The following SLC12A1 variants were observed in gnomAD, a reference collection of about 807,000 sequenced individuals.
The protein encoded by SLC12A1 is Na-K-2Cl cotransporter.
Under a neutral mutation model 130.4 loss-of-function variants are expected in SLC12A1, and 89 were observed. The ratio of observed to expected loss-of-function variants is 0.68; its 90% CI spans 0.58 to 0.81. The LOEUF (loss-of-function observed/expected upper bound fraction) is 0.81. SLC12A1 is among the 40% of genes least tolerant of loss of function. The probability of loss-of-function intolerance (pLI) is 0.00; values close to 1 mark genes in which losing one functional copy is unlikely to be tolerated. For missense variants in SLC12A1, 1,310 were observed against 1,336.4 expected (o/e 0.98, Z 0.31); for synonymous variants, 499 against 460.0 (o/e 1.08, Z -1.09).
At position 48,251,787 on chromosome 15, in the gene SLC12A1, C is replaced by T; in HGVS notation, c.1942+17C>T. The T allele has an allele frequency of 6.2e-7, 1 of 1,610,410 alleles. No homozygotes were observed. The highest frequency in any genetic ancestry group is 8.5e-7 in the Non-Finnish European group (1 of 1,177,298). On this transcript the variant is annotated intron_variant, in intron 15 of 26. Transcript: ENST00000380993. ...AGAAGCCAGGTAAGATAATGACTGTCTGGAATAGCGTTTCCAAATCTCTCT... is the reference window on the plus strand; with the variant it reads ...AGAAGCCAGGTAAGATAATGACTGTTTGGAATAGCGTTTCCAAATCTCTCT...
At position 48,288,083 on chromosome 15, in the gene SLC12A1, G is replaced by T. The variant is rs1449748212; in HGVS notation, c.2670G>T (p.Glu890Asp). ...INTSQSMHVG[E>D]FNQKLVEAST... ...CAAGCCAGTCGATGCATGTGGGAGA[G>T]TTCAACCAGAAACTGGTGGAAGCCA... The change falls in exon 22 of 27, where the codon GAG (glutamate) becomes GAT (aspartate). Residue 890 changes from glutamate (E) to aspartate (D), a missense_variant. Physicochemically the swap from Glu to Asp is conservative, Grantham distance 45. Transcript: ENST00000380993. The T allele has an allele frequency of 6.2e-6, 10 of 1,610,858 alleles. No homozygotes were observed. Among genetic ancestry groups the T allele is most frequent in the South Asian group, 1.1e-5 (1 of 90,322 alleles).
At chr15:48,243,178 T>C (rs1270173403) in intron 10 of SLC12A1, among the ~76,000 whole-genome samples, 1 of 152,106 alleles carries the variant, frequency 6.6e-6, no homozygotes, top group African/African-American at 2.4e-5. Context: ...TTAAAATACA[T>C]GATTCAAAGA....
At chr15:48,291,677 T>A (rs2042122814) in intron 23 of SLC12A1, 101 bp from the exon 24 acceptor site, 2 of 740,516 alleles carry the variant, frequency 2.7e-6, no homozygotes, top group East Asian at 5.5e-5. Context: ...TAAGCTGAAA[T>A]AAGACGTGAT....
intron 16 of SLC12A1, among the ~76,000 whole-genome samples, chr15:48,258,403 A>G (rs1454045791): frequency 6.8e-6 from 1 of 147,470 alleles, no homozygotes; most frequent in Non-Finnish European, 1.5e-5. Flanking sequence ...CCTTTACTCC[A>G]GTTCCCAAGG....
chr15:48,261,120 T>C (rs1218031194), intron 17 of SLC12A1, among the ~76,000 whole-genome samples: 1 of 152,134 alleles, frequency 6.6e-6, no homozygotes, highest in Non-Finnish European at 1.5e-5. Flanking sequence ...TTGGCCAATA[T>C]AATATAGGAG....
At chr15:48,208,221 GA>G (rs1337449977) in intron 2 of SLC12A1, 82 bp downstream of exon 2, 2 of 1,364,290 alleles carry the variant, frequency 1.5e-6, no homozygotes, top group Non-Finnish European at 2.0e-6. Context: ...CACTATGAAT[GA>G]ATGTGAAACA....
intron 22 of SLC12A1, 67 bp from the exon 23 acceptor site, chr15:48,288,338 A>T: frequency 9.4e-7 from 1 of 1,061,168 alleles, no homozygotes; most frequent in Non-Finnish European, 1.4e-6. Context: ...ATGAATAAAG[A>T]TATAAAGCTA....
intron 21 of SLC12A1, 58 bp from the exon 22 acceptor site, chr15:48,287,985 G>C: frequency 6.4e-7 from 1 of 1,567,258 alleles, no homozygotes; most frequent in Non-Finnish European, 8.7e-7. Context: ...TGATTGGAAA[G>C]TTATTTTGTT....
chr15:48,277,601 C>T (rs1344315202), intron 20 of SLC12A1, among the ~76,000 whole-genome samples: 1 of 151,468 alleles, frequency 6.6e-6, no homozygotes, highest in African/African-American at 2.4e-5. Context: ...CAGTGAAAAC[C>T]CAGTTGTGGT....
chr15:48,278,202 C>T (rs1355681078), intron 20 of SLC12A1, among the ~76,000 whole-genome samples: 2 of 152,218 alleles, frequency 1.3e-5, no homozygotes, highest in Non-Finnish European at 2.9e-5. Context: ...CGAGATCGCG[C>T]CACTGCACTC....
intron 4 of SLC12A1, chr15:48,225,260 C>T (rs2041269630): frequency 6.6e-6 from 1 of 152,144 alleles, no homozygotes; most frequent in African/African-American, 2.4e-5. Flanking sequence ...TTCCACTTTA[C>T]CCATCTGCCA....
chr15:48,247,096 A>G, intron 12 of SLC12A1, 80 bp downstream of exon 12: 1 of 1,195,042 alleles, frequency 8.4e-7, no homozygotes, highest in South Asian at 1.3e-5. Context: ...ATTCGTTCTC[A>G]CTGGCAATCA....
chr15:48,221,065 C>A, intron 4 of SLC12A1, 69 bp downstream of exon 4: 1 of 1,340,764 alleles, frequency 7.5e-7, no homozygotes, highest in Non-Finnish European at 1.1e-6. Flanking sequence ...TCTTTTTTCA[C>A]CATTAATACT....
intron 19 of SLC12A1, among the ~76,000 whole-genome samples, chr15:48,271,169 G>A (rs369103101): frequency 3.9e-4 from 60 of 151,992 alleles, no homozygotes; most frequent in African/African-American, 1.4e-3. Flanking sequence ...CTGAGATTGC[G>A]CCACTGCACT....
chr15:48,224,707 T>A (rs1229788086), intron 4 of SLC12A1: 4 of 152,182 alleles, frequency 2.6e-5, no homozygotes, highest in Admixed American at 2.0e-4. Context: ...GACAAATTTA[T>A]GTCCCGTTTT....
intron 16 of SLC12A1, among the ~76,000 whole-genome samples, chr15:48,256,283 T>A (rs1446778916): frequency 1.3e-5 from 2 of 152,228 alleles, no homozygotes; most frequent in Non-Finnish European, 2.9e-5. Context: ...TTAAAAGTAA[T>A]CCTTTTAGCT....
rs200660947 is a variant in SLC12A1, at chr15:48,230,339, A to C, written c.865-54A>C. Reference sequence around the variant, plus strand: ...CTTTTTACTGTTAAATGCTGCAATAAGACTCACATGCAAAAAGCTGTATCT... The same window carrying C: ...CTTTTTACTGTTAAATGCTGCAATACGACTCACATGCAAAAAGCTGTATCT... On this transcript the variant is annotated intron_variant, in intron 6 of 26. Coordinates refer to ENST00000380993, the MANE Select transcript of SLC12A1 (RefSeq NM_000338.3). The C allele has an allele frequency of 1.1e-5, 11 of 1,044,110 alleles. No individual in the cohort carries two copies. The Admixed American group carries it at 1.3e-4, about 13-fold the overall frequency. The allele number at this position is 1,044,110 out of a possible 1,614,324, so 64.7% of individuals were successfully genotyped here. A position where few individuals can be genotyped will look rare whatever the true frequency, so the allele number is the denominator to read the frequency against.
chr15:48,235,978 G>T (rs1459483733), intron 9 of SLC12A1, among the ~76,000 whole-genome samples: 1 of 152,030 alleles, frequency 6.6e-6, no homozygotes, highest in African/African-American at 2.4e-5. Context: ...TGCAAAGGAG[G>T]GCGGGAAATG....
Position 48,291,670 on chromosome 15 carries a change from G to A in SLC12A1, c.2874-108G>A. The stretch of plus-strand genomic sequence containing the variant: ...CAAAAAGCCTCTGTCTGAAAGCTAA[G>A]CTGAAATAAGACGTGATTGCTTTTG... On this transcript the variant is annotated intron_variant, in intron 23 of 26. Transcript: ENST00000380993. 7.0e-6 allele frequency: 5 copies of A among 717,738 alleles called. 1 individual carries two copies. In the South Asian group the frequency reaches 8.2e-5, roughly 12 times the overall value. 44.5% of individuals were successfully genotyped at this position (717,738 alleles called of 1,614,324 possible).
Sources: gnomAD v4.1 joint callset for allele counts (sites outside exome capture counted in the v4.1 genomes callset) on GRCh38, gnomAD v4.1.1 for gene constraint, MANE v1.5 for transcripts, NCBI Gene and HGNC (gene_info 2026-07-23, HGNC 2026-07-21) for gene names.